Variants in MARCHF1 observed in about 807,000 individuals in gnomAD.
The protein encoded by MARCHF1 is membrane associated ring-CH-type finger 1.
MARCHF1 carries 40 observed loss-of-function variants against 54.2 expected under a neutral mutation model. The observed-to-expected ratio is 0.74, with a 90% CI of 0.57 to 0.96. The LOEUF is 0.96. Ranked by LOEUF, MARCHF1 falls within the 40% of genes least tolerant of loss-of-function variation. The probability of loss-of-function intolerance (pLI) is 0.00; values close to 1 mark genes in which losing one functional copy is unlikely to be tolerated. For missense variants in MARCHF1, 586 were observed against 656.5 expected (o/e 0.89, Z 1.17); for synonymous variants, 236 against 236.3 (o/e 1.00, Z 0.01).
chr4:163,731,940 A>C (rs1745852466), intron 4 of MARCHF1, among the ~76,000 whole-genome samples: 1 of 152,170 alleles, frequency 6.6e-6, no homozygotes, highest in Admixed American at 6.5e-5. Flanking sequence ...TTCAACCAAC[A>C]ACAAGATCCC....
intron 2 of MARCHF1, among the ~76,000 whole-genome samples, chr4:164,043,436 C>T (rs1314456475): frequency 6.6e-6 from 1 of 152,150 alleles, no homozygotes; most frequent in African/African-American, 2.4e-5. Context: ...CCACTTTTAG[C>T]CACAGCTGGA....
intron 5 of MARCHF1, among the ~76,000 whole-genome samples, chr4:163,624,891 A>C (rs1741817194): frequency 6.6e-6 from 1 of 152,172 alleles, no homozygotes; most frequent in Non-Finnish European, 1.5e-5. Flanking sequence ...ATCTGTACTC[A>C]AGATCTCAGA....
chr4:164,320,433 C>T lies in MARCHF1; in HGVS notation c.-323+63437G>A, dbSNP rs75060295. ...AAATGATGAGAAATCGTGGGCAAGG[C>T]GACTAAAGTCACAGAAGTGGCAGCT... On this transcript the variant is annotated intron_variant, in intron 1 of 9. Coordinates refer to ENST00000514618, the MANE Select transcript of MARCHF1 (RefSeq NM_001394959.1). 4.6e-4 allele frequency among the ~76,000 whole-genome samples: 70 copies of T among 152,160 alleles called. 1 individual carries two copies. In the East Asian group the frequency reaches 9.9e-3, roughly 21 times the overall value.
intron 8 of MARCHF1, among the ~76,000 whole-genome samples, chr4:163,552,416 G>A (rs762664440): frequency 6.6e-6 from 1 of 152,148 alleles, no homozygotes; most frequent in East Asian, 1.9e-4. Context: ...ACCCAGGTTT[G>A]GGTAAAGATA....
At chr4:164,088,158 C>T (rs1343778085) in intron 2 of MARCHF1, among the ~76,000 whole-genome samples, 1 of 152,078 alleles carries the variant, frequency 6.6e-6, no homozygotes, top group African/African-American at 2.4e-5. Context: ...TTGTGTGTTT[C>T]CCCTCATGGA....
chr4:163,680,690 A>G (rs1322113820), intron 5 of MARCHF1, among the ~76,000 whole-genome samples: 1 of 152,118 alleles, frequency 6.6e-6, no homozygotes, highest in Non-Finnish European at 1.5e-5. Flanking sequence ...CTTTTTTTCT[A>G]CATATTCTCC....
chr4:164,214,998 T>C (rs1731887647), intron 1 of MARCHF1, among the ~76,000 whole-genome samples: 1 of 152,168 alleles, frequency 6.6e-6, no homozygotes, highest in Non-Finnish European at 1.5e-5. Context: ...GGGGTGAATG[T>C]ATACAGCTGA....
At chr4:163,849,101 T>C (rs1341097585) in intron 4 of MARCHF1, among the ~76,000 whole-genome samples, 1 of 152,236 alleles carries the variant, frequency 6.6e-6, no homozygotes, top group African/African-American at 2.4e-5. Context: ...AAATAATGAC[T>C]GTGTTCTTCC....
intron 1 of MARCHF1, among the ~76,000 whole-genome samples, chr4:164,326,470 G>T (rs142289132): frequency 6.6e-6 from 1 of 152,164 alleles, no homozygotes; most frequent in Non-Finnish European, 1.5e-5. Flanking sequence ...AACAGGAAGA[G>T]AACACATGAC....
At position 164,266,511 on chromosome 4, in the gene MARCHF1, T is replaced by C. The variant is rs1733614990; in HGVS notation, c.-323+117359A>G. Among the ~76,000 whole-genome samples, 3 of 152,350 alleles carry C rather than the reference T, an allele frequency of 2.0e-5. No homozygotes were observed. In the South Asian group the frequency reaches 6.2e-4, roughly 32 times the overall value. ...AAATGTTTGCCTATGGTCTCTGAGATTCTAATCCACAGAGTTCATTCTAAT... is the reference window on the plus strand; with the variant it reads ...AAATGTTTGCCTATGGTCTCTGAGACTCTAATCCACAGAGTTCATTCTAAT... On this transcript the variant is annotated intron_variant, in intron 1 of 9. Coordinates refer to ENST00000514618, the MANE Select transcript of MARCHF1 (RefSeq NM_001394959.1).
intron 2 of MARCHF1, among the ~76,000 whole-genome samples, chr4:163,993,049 A>G (rs1319457493): frequency 1.3e-5 from 2 of 152,050 alleles, no homozygotes; most frequent in Non-Finnish European, 2.9e-5. Context: ...CAAAGAATTT[A>G]TGTTATCTTG....
intron 8 of MARCHF1, among the ~76,000 whole-genome samples, chr4:163,583,141 A>T (rs1740283764): frequency 6.6e-6 from 1 of 152,194 alleles, no homozygotes; most frequent in Admixed American, 6.5e-5. Context: ...TCAGGATCAG[A>T]AAGAGAGGGA....
chr4:164,345,548 C>T (rs1025367427), intron 1 of MARCHF1, among the ~76,000 whole-genome samples: 2 of 150,568 alleles, frequency 1.3e-5, no homozygotes, highest in Non-Finnish European at 3.0e-5. Context: ...CCAGCCTGGG[C>T]AACTGAGCAA....
intron 5 of MARCHF1, among the ~76,000 whole-genome samples, chr4:163,699,549 C>T (rs1019283618): frequency 1.3e-5 from 2 of 152,028 alleles, no homozygotes; most frequent in African/African-American, 4.8e-5. Context: ...AAAACAAAAA[C>T]GTCTCTAAAT....
intron 3 of MARCHF1, among the ~76,000 whole-genome samples, chr4:163,867,853 G>C (rs1258739160): frequency 1.4e-5 from 2 of 148,052 alleles, no homozygotes; most frequent in African/African-American, 5.0e-5. Flanking sequence ...TATTCTTCGG[G>C]TGAGTAGTCT....
At chr4:163,990,460 T>C (rs1188607775) in intron 2 of MARCHF1, among the ~76,000 whole-genome samples, 1 of 152,198 alleles carries the variant, frequency 6.6e-6, no homozygotes, top group Non-Finnish European at 1.5e-5. Flanking sequence ...AAAGTTCATA[T>C]AGAGACAAAT....
intron 1 of MARCHF1, among the ~76,000 whole-genome samples, chr4:164,293,194 A>T (rs1044504933): frequency 6.6e-6 from 1 of 152,146 alleles, no homozygotes; most frequent in Non-Finnish European, 1.5e-5. Flanking sequence ...GAATTTCTGC[A>T]TAGCAAACTG....
chr4:164,189,478 C>T, intron 1 of MARCHF1: 1 of 715,216 alleles, frequency 1.4e-6, no homozygotes, highest in Non-Finnish European at 2.5e-6. Flanking sequence ...TACTCGAATT[C>T]CAAAGATTCA....
chr4:164,187,713 G>T (rs1030583713), intron 1 of MARCHF1, among the ~76,000 whole-genome samples: 1 of 152,088 alleles, frequency 6.6e-6, no homozygotes, highest in Non-Finnish European at 1.5e-5. Flanking sequence ...TAAATAAAGA[G>T]AAATCAATAC....
Sources: gnomAD v4.1 joint callset for allele counts (sites outside exome capture counted in the v4.1 genomes callset) on GRCh38, gnomAD v4.1.1 for gene constraint, MANE v1.5 for transcripts, NCBI Gene and HGNC (gene_info 2026-07-23, HGNC 2026-07-21) for gene names.